RFFL: variants seen among roughly 807,000 people sequenced by gnomAD.
RFFL encodes the protein E3 ubiquitin-protein ligase rififylin.
A neutral mutation model predicts 40.4 loss-of-function variants in RFFL; 16 were observed. The observed-to-expected ratio is 0.40, with a 90% CI of 0.27 to 0.60. RFFL has a LOEUF of 0.60. Ranked by LOEUF, RFFL falls within the 20% of genes least tolerant of loss-of-function variation. The pLI, the probability that RFFL is intolerant of heterozygous loss-of-function variation, is 0.47. For missense variants in RFFL, 367 were observed against 451.7 expected (o/e 0.81, Z 1.70); for synonymous variants, 154 against 167.9 (o/e 0.92, Z 0.64).
chr17:35,088,883 G>C (rs2091444264), intron 1 of RFFL: 1 of 152,328 alleles, frequency 6.6e-6, no homozygotes, highest in Non-Finnish European at 1.5e-5. Flanking sequence ...TTCTTTGAGG[G>C]GACTTTTCAA....
intron 1 of RFFL, among the ~76,000 whole-genome samples, chr17:35,054,683 G>C (rs886221769): frequency 1.3e-5 from 2 of 152,060 alleles, no homozygotes; most frequent in Non-Finnish European, 2.9e-5. Flanking sequence ...CTCTCTAGCT[G>C]ATGTCCTGAT....
intron 1 of RFFL, among the ~76,000 whole-genome samples, chr17:35,062,633 G>C (rs1049207213): frequency 2.6e-5 from 4 of 152,166 alleles, no homozygotes; most frequent in African/African-American, 9.7e-5. Context: ...GTGACTTCTA[G>C]GCTGAAACCA....
chr17:35,069,038 G>C (rs886209913), intron 1 of RFFL, among the ~76,000 whole-genome samples: 4 of 152,124 alleles, frequency 2.6e-5, no homozygotes, highest in Non-Finnish European at 5.9e-5. Flanking sequence ...TCATAATGAA[G>C]TGACTTAGCA....
intron 1 of RFFL, among the ~76,000 whole-genome samples, chr17:35,056,131 T>G (rs1332053055): frequency 6.6e-6 from 1 of 152,028 alleles, no homozygotes; most frequent in Admixed American, 6.6e-5. Flanking sequence ...TCTTGGGTAT[T>G]GACTTGCCAC....
chr17:35,077,413 G>C (rs1040416072), intron 1 of RFFL, among the ~76,000 whole-genome samples: 17 of 152,214 alleles, frequency 1.1e-4, no homozygotes, highest in African/African-American at 3.9e-4. Context: ...TAAGCATTTA[G>C]AAACTTTTCT....
rs189906063 is a variant in RFFL, at chr17:35,019,983, G to C, written c.591+1388C>G. The stretch of plus-strand genomic sequence containing the variant: ...TGGCAAAGGAGGTGATCATAAACAA[G>C]TGGCAGCAGCCATCCACATCATGTG... On this transcript the variant is annotated intron_variant, in intron 3 of 6. Transcript: ENST00000394597. Among the ~76,000 whole-genome samples the C allele has an allele frequency of 4.0e-4, 61 of 152,336 alleles. No homozygotes were observed. The Middle Eastern group carries it at 0.014, about 34-fold the overall frequency.
At chr17:35,016,689 G>A (rs2090975828) in intron 4 of RFFL, 109 bp from the exon 5 acceptor site, 1 of 781,648 alleles carries the variant, frequency 1.3e-6, no homozygotes, top group South Asian at 1.7e-5. Flanking sequence ...CTGACCTCAT[G>A]AAGGGTAGGA....
chr17:35,031,566 T>C (rs2091083397), intron 1 of RFFL, among the ~76,000 whole-genome samples: 1 of 151,928 alleles, frequency 6.6e-6, no homozygotes, highest in East Asian at 1.9e-4. Context: ...AAACCAAATA[T>C]TGAAATTTCA....
chr17:35,026,545 T>C lies in RFFL; in HGVS notation c.9A>G (p.Ala3=), dbSNP rs752450411. The C allele has an allele frequency of 1.2e-6, 2 of 1,612,774 alleles. No homozygotes were observed. The highest frequency in any genetic ancestry group is 3.4e-5 in the Admixed American group (2 of 59,570). MW[A]TCCNWFCLDG... ...CCAGGCAGAACCAGTTGCAGCAGGT[T>C]GCCCACATGATAAAATCTGGTGCAA... The change falls in exon 2 of 7, where the codon GCA becomes GCG. Residue 3 remains alanine (A), a synonymous_variant. Transcript: ENST00000394597.
At chr17:35,059,380 A>C (rs770292146) in intron 1 of RFFL, among the ~76,000 whole-genome samples, 3 of 152,204 alleles carry the variant, frequency 2.0e-5, no homozygotes, top group Non-Finnish European at 4.4e-5. Flanking sequence ...GAACCAAGAT[A>C]TCCCAGCCAA....
At chr17:35,059,819 CT>C (rs1206637975) in intron 1 of RFFL, among the ~76,000 whole-genome samples, 1 of 152,150 alleles carries the variant, frequency 6.6e-6, no homozygotes, top group Non-Finnish European at 1.5e-5. Context: ...AGGCTAAAAT[CT>C]TTCCCCCCTT....
intron 2 of RFFL, 149 bp downstream of exon 2, chr17:35,026,222 GTTC>G: frequency 4.1e-6 from 3 of 737,268 alleles, no homozygotes; most frequent in South Asian, 2.0e-5. Flanking sequence ...TACTCAGTTA[GTTC>G]TTCTTGAACA....
Position 35,007,316 on chromosome 17 carries a change from C to T in RFFL, c.*4652G>A, listed in dbSNP as rs2090902277. ...CAGTGGTTTTTTATGTATTTTCTTCCAGTCTTTGCTGCTGAGATCTGACTG... is the reference window on the plus strand; with the variant it reads ...CAGTGGTTTTTTATGTATTTTCTTCTAGTCTTTGCTGCTGAGATCTGACTG... On this transcript the variant is annotated 3_prime_UTR_variant, in exon 7 of 7. Coordinates refer to ENST00000394597, the MANE Select transcript of RFFL (RefSeq NM_001017368.2). The T allele has an allele frequency of 6.6e-6, 1 of 152,214 alleles. No individual in the cohort carries two copies. The highest frequency in any genetic ancestry group is 6.5e-5 in the Admixed American group (1 of 15,288). 9.4% of individuals were successfully genotyped at this position (152,214 alleles called of 1,614,324 possible). A position where few individuals can be genotyped will look rare whatever the true frequency, so the allele number is the denominator to read the frequency against.
intron 1 of RFFL, among the ~76,000 whole-genome samples, chr17:35,035,628 C>A: frequency 6.7e-6 from 1 of 150,260 alleles, no homozygotes; most frequent in East Asian, 1.9e-4. Flanking sequence ...TCTTTATATA[C>A]CTATATCTGT....
At chr17:35,038,788 C>T (rs149069259) in intron 1 of RFFL, among the ~76,000 whole-genome samples, 131 of 152,332 alleles carry the variant, frequency 8.6e-4, no homozygotes, top group Non-Finnish European at 1.5e-3. Flanking sequence ...CTTCTGGTAA[C>T]ATTGTTTCTT....
chr17:35,026,148 C>T (rs1048032729), intron 2 of RFFL, among the ~76,000 whole-genome samples: 5 of 152,190 alleles, frequency 3.3e-5, no homozygotes, highest in Non-Finnish European at 7.3e-5. Context: ...TAGGTAGCAA[C>T]GCTGATAACT....
intron 1 of RFFL, among the ~76,000 whole-genome samples, chr17:35,075,891 G>C (rs2091373074): frequency 6.6e-6 from 1 of 151,824 alleles, no homozygotes; most frequent in Non-Finnish European, 1.5e-5. Flanking sequence ...TAAGTTACAG[G>C]CCAAGAAGTT....
chr17:35,044,800 T>C lies in RFFL; in HGVS notation c.-8-18239A>G, dbSNP rs909788736. On this transcript the variant is annotated intron_variant, in intron 1 of 6. Coordinates refer to ENST00000394597, the MANE Select transcript of RFFL (RefSeq NM_001017368.2). Reference sequence around the variant, plus strand: ...GCTATTCTCTCAGCCTGGAGCACTGTTGCCACCTCACCTCCCTTACATATC... The same window carrying C: ...GCTATTCTCTCAGCCTGGAGCACTGCTGCCACCTCACCTCCCTTACATATC... Among the ~76,000 whole-genome samples, 7 of 152,194 alleles carry C rather than the reference T, an allele frequency of 4.6e-5. No individual in the cohort carries two copies. The East Asian group carries it at 5.8e-4, about 13-fold the overall frequency.
intron 2 of RFFL, among the ~76,000 whole-genome samples, chr17:35,023,292 G>A (rs2091020777): frequency 6.6e-6 from 1 of 152,208 alleles, no homozygotes. Context: ...GTAAATGTCT[G>A]CATAGTTAAG....
Sources: gnomAD v4.1 joint callset for allele counts (sites outside exome capture counted in the v4.1 genomes callset) on GRCh38, gnomAD v4.1.1 for gene constraint, MANE v1.5 for transcripts, NCBI Gene and HGNC (gene_info 2026-07-23, HGNC 2026-07-21) for gene names.